Variants in ITGA8 observed in about 807,000 individuals in gnomAD.
The protein encoded by ITGA8 is integrin subunit alpha 8, also known as integrin alpha-8.
Under a neutral mutation model 142.3 loss-of-function variants are expected in ITGA8, and 91 were observed. The ratio of observed to expected loss-of-function variants is 0.64; its 90% CI spans 0.54 to 0.76. The LOEUF (loss-of-function observed/expected upper bound fraction) is 0.76. ITGA8 is among the 30% of genes least tolerant of loss of function. The pLI, the probability that ITGA8 is intolerant of heterozygous loss-of-function variation, is 0.00. For synonymous variants in ITGA8, 505 were observed against 485.2 expected (o/e 1.04, Z -0.54); for missense variants, 1,406 against 1,327.7 (o/e 1.06, Z -0.92).
rs140610160 is a variant in ITGA8 at position 15,627,103 on chromosome 10, C to T, written c.1400-10544G>A. On this transcript the variant is annotated intron_variant, in intron 13 of 29. Transcript: ENST00000378076. ...CAGCAGGGGGCTTTAAAAACAGACA[C>T]TCCCCTGCCTTCCAGCTACTTAGAG... Among the ~76,000 whole-genome samples, 57 of 152,300 alleles carry T rather than the reference C, an allele frequency of 3.7e-4. 1 individual carries two copies. Among genetic ancestry groups the T allele is most frequent in the African/African-American group, 1.3e-3 (53 of 41,564 alleles).
At chr10:15,666,025 TTAAAG>T (rs1440789867) in intron 8 of ITGA8, among the ~76,000 whole-genome samples, 2 of 152,264 alleles carry the variant, frequency 1.3e-5, no homozygotes, top group Non-Finnish European at 2.9e-5. Context: ...CATACGAACT[TTAAAG>T]TAGTTTTTTT....
chr10:15,565,607 T>TTTTTTTTTTTTTTTTTTTTA (rs1834064320), intron 25 of ITGA8, among the ~76,000 whole-genome samples: 1 of 130,940 alleles, frequency 7.6e-6, no homozygotes, highest in Non-Finnish European at 1.6e-5. Flanking sequence ...TTTTTTTTTT[T>TTTTTTTTTTTTTTTTTTTTA]GAGACAGAGT....
intron 23 of ITGA8, among the ~76,000 whole-genome samples, chr10:15,583,348 A>G (rs1304414398): frequency 1.3e-5 from 2 of 152,032 alleles, no homozygotes; most frequent in Admixed American, 1.3e-4. Context: ...GGAACATCAC[A>G]CAGCGGGGCC....
Position 15,655,382 on chromosome 10 carries a change from C to T in ITGA8, c.973G>A (p.Val325Ile), listed in dbSNP as rs372255781. ...EQMASYFGYT[V>I]VVSDVNSDGL... The stretch of plus-strand genomic sequence containing the variant: ...TCACTGTTAACATCTGATACGACAA[C>T]GGTATATCCAAAATAAGATGCCATC... The change falls in exon 11 of 30, where the codon GTT becomes ATT. Residue 325 changes from valine to isoleucine, a missense_variant. Val to Ile is a conservative substitution (Grantham distance 29). Coordinates refer to ENST00000378076, the MANE Select transcript of ITGA8 (RefSeq NM_003638.3). 4.7e-5 allele frequency: 75 copies of T among 1,610,214 alleles called. No homozygotes were observed. Among genetic ancestry groups the T allele is most frequent in the East Asian group, 2.5e-4 (11 of 44,808 alleles).
chr10:15,634,397 C>T (rs1476564874), intron 13 of ITGA8, among the ~76,000 whole-genome samples: 1 of 151,840 alleles, frequency 6.6e-6, no homozygotes, highest in Non-Finnish European at 1.5e-5. Context: ...CAAAACCCAA[C>T]TTTAAAGGAA....
Position 15,517,163 on chromosome 10 carries a change from C to T in ITGA8, c.3187G>A (p.Ala1063Thr). The T allele has an allele frequency of 6.2e-7, 1 of 1,611,248 alleles. No homozygotes were observed. Among genetic ancestry groups the T allele is most frequent in the Non-Finnish European group, 8.5e-7 (1 of 1,178,036 alleles). Residue 1063 changes from alanine to threonine, a missense_variant, in exon 30 of 30, where the codon GCA becomes ACA. Ala to Thr is a moderately conservative substitution (Grantham distance 58, BLOSUM62 0). Coordinates refer to ENST00000378076, the MANE Select transcript of ITGA8 (RefSeq NM_003638.3). ...GGTCTTCTTTTTTTTTCTTGTCATG[C>T]CTCAGGGGTCTTGTCATTTGTCAGC... ...EQLTNDKTPEA is the reference protein window; with the variant it reads ...EQLTNDKTPET
chr10:15,637,554 C>T (rs1258188929), intron 13 of ITGA8, among the ~76,000 whole-genome samples: 5 of 148,282 alleles, frequency 3.4e-5, no homozygotes, highest in Non-Finnish European at 7.4e-5. Context: ...TCCTGTTGTC[C>T]AGGCTGGAGT....
At chr10:15,538,003 G>A (rs897049818) in intron 27 of ITGA8, among the ~76,000 whole-genome samples, 5 of 152,068 alleles carry the variant, frequency 3.3e-5, no homozygotes, top group Non-Finnish European at 5.9e-5. Context: ...GCCAGGTCTG[G>A]TGGCATGGGT....
At chr10:15,663,563 T>C (rs12766718) in intron 8 of ITGA8, among the ~76,000 whole-genome samples, 14,864 of 147,362 alleles carry the variant, frequency 0.1, 931 homozygotes, top group East Asian at 0.3. Flanking sequence ...TTGAGAGCTT[T>C]CCAACAAGAC....
At chr10:15,518,168 G>C (rs902136876) in intron 29 of ITGA8, among the ~76,000 whole-genome samples, 3 of 152,282 alleles carry the variant, frequency 2.0e-5, no homozygotes, top group East Asian at 3.9e-4. Flanking sequence ...TGTCAAATTA[G>C]TACTTTGCCA....
intron 3 of ITGA8, among the ~76,000 whole-genome samples, chr10:15,684,946 A>G (rs1423325738): frequency 6.6e-6 from 1 of 152,166 alleles, no homozygotes; most frequent in Non-Finnish European, 1.5e-5. Flanking sequence ...CGGAAGCCGC[A>G]TCTTATGACT....
At chr10:15,678,644 T>C (rs1055822957) in intron 5 of ITGA8, 78 bp downstream of exon 5, 1 of 906,350 alleles carries the variant, frequency 1.1e-6, no homozygotes, top group Non-Finnish European at 1.8e-6. Context: ...GTGGTGGTTT[T>C]GGGGTGTGGG....
intron 13 of ITGA8, among the ~76,000 whole-genome samples, chr10:15,621,057 G>T (rs889999205): frequency 6.6e-6 from 1 of 152,032 alleles, no homozygotes; most frequent in Non-Finnish European, 1.5e-5. Context: ...TGAGATAACG[G>T]GTCTGATACC....
chr10:15,671,547 C>A, intron 8 of ITGA8, 56 bp downstream of exon 8: 2 of 1,434,340 alleles, frequency 1.4e-6, no homozygotes, highest in East Asian at 2.3e-5. Flanking sequence ...CTTTATATGC[C>A]ATTTTACCAT....
intron 26 of ITGA8, among the ~76,000 whole-genome samples, chr10:15,550,674 C>G (rs1293631619): frequency 1.3e-5 from 2 of 152,090 alleles, no homozygotes; most frequent in Non-Finnish European, 2.9e-5. Flanking sequence ...GTGAAATGGA[C>G]AGATGGAAGT....
In ITGA8 at chr10:15,708,623, CTGTT is replaced by C. The variant is rs376611880; in HGVS notation, c.343+10139_343+10142del. 2.3e-4 allele frequency among the ~76,000 whole-genome samples: 35 copies of C among 152,318 alleles called. No homozygotes were observed. The East Asian group carries it at 4.4e-3, about 19-fold the overall frequency. On this transcript the variant is annotated intron_variant, in intron 2 of 29. Transcript: ENST00000378076. The stretch of plus-strand genomic sequence containing the variant: ...TTTAATCACATTTCCCAAAGACAAT[CTGTT>C]TGTGTGCATTTCCTTTCTCATGCTC...
In ITGA8 at chr10:15,535,045, G is replaced by A. The variant is rs1371689613; in HGVS notation, c.2881-3894C>T. 5.3e-5 allele frequency among the ~76,000 whole-genome samples: 8 copies of A among 152,170 alleles called. 1 individual carries two copies. The highest frequency in any genetic ancestry group is 1.2e-4 in the Non-Finnish European group (8 of 68,008). ...CTTGCGGGCCAGTGTGAGTTCCGCGGGTGAGTGTGGGCTATGAGGGGCTTA... is the reference window on the plus strand; with the variant it reads ...CTTGCGGGCCAGTGTGAGTTCCGCGAGTGAGTGTGGGCTATGAGGGGCTTA... On this transcript the variant is annotated intron_variant, in intron 27 of 29. Coordinates refer to ENST00000378076, the MANE Select transcript of ITGA8 (RefSeq NM_003638.3).
chr10:15,552,852 C>T (rs1814896416), intron 26 of ITGA8, among the ~76,000 whole-genome samples: 2 of 151,670 alleles, frequency 1.3e-5, no homozygotes, highest in Admixed American at 1.3e-4. Context: ...CTATTGTACA[C>T]CATGGAAGCT....
chr10:15,546,111 G>A (rs1034469660), intron 27 of ITGA8, among the ~76,000 whole-genome samples: 3 of 152,114 alleles, frequency 2.0e-5, no homozygotes, highest in Non-Finnish European at 4.4e-5. Context: ...CAGTTCCATG[G>A]CACCTCCTCC....
Sources: allele counts gnomAD v4.1 joint callset (sites outside exome capture counted in the v4.1 genomes callset), GRCh38; gene constraint gnomAD v4.1.1; transcripts MANE v1.5; gene names NCBI Gene and HGNC (gene_info 2026-07-23, HGNC 2026-07-21).